The following SLAIN2 variants were observed in gnomAD, a reference collection of about 807,000 sequenced individuals.
SLAIN2 encodes SLAIN family member 2, also known as SLAIN motif-containing protein 2.
SLAIN2 carries 31 observed loss-of-function variants against 56.6 expected under a neutral mutation model. The ratio of observed to expected loss-of-function variants is 0.55; its 90% CI spans 0.41 to 0.74. SLAIN2 has a LOEUF of 0.74. SLAIN2 is among the 30% of genes least tolerant of loss of function. The probability of loss-of-function intolerance (pLI) is 0.00; values close to 1 mark genes in which losing one functional copy is unlikely to be tolerated. For missense variants in SLAIN2, 777 were observed against 754.2 expected, an observed-to-expected ratio of 1.03 and a Z score of -0.35; for synonymous variants, 317 against 284.9, an observed-to-expected ratio of 1.11 and a Z score of -1.13.
In SLAIN2 at chr4:48,370,046, C is replaced by A. The variant is rs138077488; in HGVS notation, c.538+49C>A. The A allele has an allele frequency of 2.2e-4, 346 of 1,572,260 alleles. No individual in the cohort carries two copies. The East Asian group carries it at 4.8e-3, about 22-fold the overall frequency. On this transcript the variant is annotated intron_variant, in intron 2 of 7. Transcript: ENST00000264313. ...AATTCATCTCTTTGCTTTCTTTAGT[C>A]AAAAACCATAAATATTGAGCATTGT...
At chr4:48,342,732 T>TTTTTTTTA (rs1714753676) in intron 1 of SLAIN2, among the ~76,000 whole-genome samples, 1 of 147,056 alleles carries the variant, frequency 6.8e-6, no homozygotes, top group Non-Finnish European at 1.5e-5. Flanking sequence ...TTTTTTTTTT[T>TTTTTTTTA]TTTGTTACTC....
At chr4:48,392,996 A>G (rs78899131) in intron 6 of SLAIN2, among the ~76,000 whole-genome samples, 1 of 151,982 alleles carries the variant, frequency 6.6e-6, no homozygotes, top group East Asian at 1.9e-4. Flanking sequence ...GAATAAAAAT[A>G]TAAATGGTTG....
rs755249730 is a variant in SLAIN2, at chr4:48,369,965, C to T, written c.506C>T (p.Ser169Phe). 6.2e-7 allele frequency: 1 copy of T among 1,613,600 alleles called. No individual in the cohort carries two copies. Among genetic ancestry groups the T allele is most frequent in the Middle Eastern group, 1.7e-4 (1 of 6,058 alleles). The change falls in exon 2 of 8, where the codon TCT (serine) becomes TTT (phenylalanine). Residue 169 changes from serine (S) to phenylalanine (F), a missense_variant. By Grantham distance (155) the Ser-to-Phe change is radical. Coordinates refer to ENST00000264313, the MANE Select transcript of SLAIN2 (RefSeq NM_020846.2). ...CCTGATGTTGAGTGTGCTAAAAAATCTCTTATCCACAAACTTGATCAAACT... is the reference window on the plus strand; with the variant it reads ...CCTGATGTTGAGTGTGCTAAAAAATTTCTTATCCACAAACTTGATCAAACT... ...PSPDVECAKK[S>F]LIHKLDQTMS... is the part of the protein sequence containing the mutation.
rs1303600488 is a variant in SLAIN2 at position 48,345,808 on chromosome 4, C to T, written c.389+3680C>T. Among the ~76,000 whole-genome samples, 6 of 152,036 alleles carry T rather than the reference C, an allele frequency of 3.9e-5. No homozygotes were observed. The South Asian group carries it at 6.2e-4, about 16-fold the overall frequency. ...TTGTATTTGGTAGGCATATCTACTA[C>T]GTCTTCATTCAAATTGTTGATAAAA... is the stretch of plus-strand genomic sequence containing the variant. On this transcript the variant is annotated intron_variant, in intron 1 of 7. Transcript: ENST00000264313.
At chr4:48,355,483 C>T (rs1341073759) in intron 1 of SLAIN2, among the ~76,000 whole-genome samples, 2 of 152,078 alleles carry the variant, frequency 1.3e-5, no homozygotes, top group African/African-American at 4.8e-5. Flanking sequence ...ATTCCTTCTT[C>T]CCCCCAAGTG....
At chr4:48,405,717 A>G (rs1716676488) in intron 6 of SLAIN2, among the ~76,000 whole-genome samples, 2 of 152,048 alleles carry the variant, frequency 1.3e-5, no homozygotes, top group Admixed American at 6.6e-5. Flanking sequence ...GCCTAGATTC[A>G]TAATTCATTA....
intron 2 of SLAIN2, among the ~76,000 whole-genome samples, chr4:48,376,540 C>T (rs2109757984): frequency 6.7e-6 from 1 of 150,002 alleles, no homozygotes; most frequent in African/African-American, 2.4e-5. Context: ...TATCTTAGTC[C>T]TACTGTTGTA....
At chr4:48,393,386 T>TTTGTGTGTGTGTGTGTGTG (rs376243251) in intron 6 of SLAIN2, among the ~76,000 whole-genome samples, 58 of 135,448 alleles carry the variant, frequency 4.3e-4, no homozygotes, top group African/African-American at 1.6e-3. Context: ...CATGTCTGGC[T>TTTGTGTGTGTGTGTGTGTG]TGTGTGTGTG....
intron 6 of SLAIN2, among the ~76,000 whole-genome samples, chr4:48,410,302 AGTC>A (rs1296032770): frequency 1.1e-4 from 17 of 149,238 alleles, no homozygotes; most frequent in Admixed American, 9.3e-4. Flanking sequence ...TTAATTGAGT[AGTC>A]ACATTCCTTT....
intron 6 of SLAIN2, among the ~76,000 whole-genome samples, chr4:48,412,418 T>G (rs368294957): frequency 4.3e-5 from 1 of 23,356 alleles, no homozygotes. Flanking sequence ...ACACACACAT[T>G]CCCTCTCTCT....
intron 2 of SLAIN2, among the ~76,000 whole-genome samples, chr4:48,371,971 T>TACACACACACACACACACACGCGCGC (rs35354568): frequency 6.8e-6 from 1 of 148,002 alleles, no homozygotes; most frequent in Non-Finnish European, 1.5e-5. Context: ...AAAAAGTATA[T>TACACACACACACACACACACGCGCGC]ACACACACAC....
At chr4:48,372,919 C>CAG (rs1453930491) in intron 2 of SLAIN2, among the ~76,000 whole-genome samples, 2 of 151,934 alleles carry the variant, frequency 1.3e-5, no homozygotes, top group African/African-American at 4.8e-5. Flanking sequence ...TTTGGTAAGG[C>CAG]AGAGCTTCCT....
At chr4:48,384,581 A>G (rs570079446) in intron 6 of SLAIN2, among the ~76,000 whole-genome samples, 1 of 152,304 alleles carries the variant, frequency 6.6e-6, no homozygotes, top group African/African-American at 2.4e-5. Flanking sequence ...AGTTAAAGCT[A>G]AACTCTTAAA....
chr4:48,392,999 A>T (rs560939883), intron 6 of SLAIN2, among the ~76,000 whole-genome samples: 1 of 151,790 alleles, frequency 6.6e-6, no homozygotes, highest in Non-Finnish European at 1.5e-5. Context: ...TAAAAATATA[A>T]ATGGTTGAAA....
intron 1 of SLAIN2, among the ~76,000 whole-genome samples, chr4:48,363,978 C>T (rs1327611329): frequency 8.8e-6 from 1 of 113,734 alleles, no homozygotes. Flanking sequence ...GGGGGCTGAC[C>T]CCCCCCACCT....
Position 48,341,964 on chromosome 4 carries a change from G to T in SLAIN2, c.225G>T (p.Ser75=). The T allele has an allele frequency of 1.4e-6, 2 of 1,442,680 alleles. No individual in the cohort carries two copies. The highest frequency in any genetic ancestry group is 1.5e-5 in the South Asian group (1 of 68,714). The allele number at this position is 1,442,680 out of a possible 1,614,324, so 89.4% of individuals were successfully genotyped here. The change falls in exon 1 of 8, where the codon TCG becomes TCT. Residue 75 remains serine (S), a synonymous_variant. Transcript: ENST00000264313. Reference sequence around the variant, plus strand: ...TCCCCTTGGGCCTCAGCGCCAAGTCGGGCGGCGGGCCCGGGTCGGGCCCGA... The same window carrying T: ...TCCCCTTGGGCCTCAGCGCCAAGTCTGGCGGCGGGCCCGGGTCGGGCCCGA... ...RGFPLGLSAK[S]GGGPGSGPRR...
intron 1 of SLAIN2, among the ~76,000 whole-genome samples, chr4:48,363,650 G>A (rs1715403462): frequency 2.0e-5 from 2 of 100,236 alleles, no homozygotes; most frequent in Admixed American, 8.7e-5. Context: ...CGGACGGGGC[G>A]GCTGGCCGGG....
At chr4:48,385,979 A>G (rs1158091154) in intron 6 of SLAIN2, among the ~76,000 whole-genome samples, 1 of 150,748 alleles carries the variant, frequency 6.6e-6, no homozygotes, top group African/African-American at 2.4e-5. Context: ...TGATGGTCAC[A>G]TGCCTATAGT....
chr4:48,376,568 C>T (rs1194518294), intron 2 of SLAIN2, among the ~76,000 whole-genome samples: 2 of 149,626 alleles, frequency 1.3e-5, no homozygotes, highest in South Asian at 2.1e-4. Context: ...TTTAATTTTA[C>T]ATGCATAGCA....
Sources: gnomAD v4.1 joint callset for allele counts (sites outside exome capture counted in the v4.1 genomes callset) on GRCh38, gnomAD v4.1.1 for gene constraint, MANE v1.5 for transcripts, NCBI Gene and HGNC (gene_info 2026-07-23, HGNC 2026-07-21) for gene names.